The following TNFAIP8 variants were observed in gnomAD, a reference collection of about 807,000 sequenced individuals.
TNFAIP8 encodes the protein TNF alpha induced protein 8, also known as tumor necrosis factor alpha-induced protein 8.
TNFAIP8 carries 7 observed loss-of-function variants against 13.3 expected under a neutral mutation model. That is an observed-to-expected ratio of 0.52 (90% CI 0.30 to 0.99). The LOEUF (loss-of-function observed/expected upper bound fraction) is 0.99. Among genes scored for constraint, TNFAIP8 ranks in the 50% least tolerant of loss-of-function variants. The probability of loss-of-function intolerance (pLI) is 0.07; values close to 1 mark genes in which losing one functional copy is unlikely to be tolerated. For missense variants in TNFAIP8, 258 were observed against 236.9 expected (o/e 1.09, Z -0.58); for synonymous variants, 94 against 87.6 (o/e 1.07, Z -0.41).
At chr5:119,350,090 T>C (rs138026859) in intron 1 of TNFAIP8, among the ~76,000 whole-genome samples, 2,728 of 152,310 alleles carry the variant, frequency 0.018, 31 homozygotes, top group Non-Finnish European at 0.03. Context: ...TTTGGGAGTC[T>C]AAATAAAACC....
intron 1 of TNFAIP8, among the ~76,000 whole-genome samples, chr5:119,357,344 A>T (rs567479585): frequency 1.3e-5 from 2 of 152,224 alleles, no homozygotes; most frequent in Admixed American, 6.5e-5. Context: ...CTGTGTTCTG[A>T]TGGAGCTGTG....
chr5:119,316,055 A>G (rs905387877), intron 1 of TNFAIP8: 8 of 152,106 alleles, frequency 5.3e-5, no homozygotes, highest in African/African-American at 1.7e-4. Flanking sequence ...TTTAGTTGCA[A>G]TGTTAAAGCT....
At chr5:119,348,700 G>C (rs1750999677) in intron 1 of TNFAIP8, among the ~76,000 whole-genome samples, 1 of 152,016 alleles carries the variant, frequency 6.6e-6, no homozygotes, top group Non-Finnish European at 1.5e-5. Flanking sequence ...GGCCAACATG[G>C]TGAAACCTTG....
chr5:119,279,694 G>A (rs1044149786), intron 1 of TNFAIP8, among the ~76,000 whole-genome samples: 6 of 152,048 alleles, frequency 3.9e-5, no homozygotes, highest in East Asian at 1.9e-4. Context: ...CAGTTCTCTC[G>A]CCTCAACCTT....
In TNFAIP8 at chr5:119,382,503, C is replaced by G. The variant is rs561776916; in HGVS notation, c.32-10313C>G. Among the ~76,000 whole-genome samples the G allele has an allele frequency of 1.1e-3, 169 of 152,280 alleles. 1 individual carries two copies. The highest frequency in any genetic ancestry group is 4.0e-3 in the African/African-American group (168 of 41,548). ...CCACACTCCTTTCACAAGACCTGAT[C>G]ATAAGACCTGTGGCATCCTATACCA... is the stretch of plus-strand genomic sequence containing the variant. On this transcript the variant is annotated intron_variant, in intron 1 of 1. Coordinates refer to ENST00000504771, the MANE Select transcript of TNFAIP8 (RefSeq NM_014350.4).
chr5:119,310,518 A>C (rs1749696099), intron 1 of TNFAIP8, among the ~76,000 whole-genome samples: 1 of 152,302 alleles, frequency 6.6e-6, no homozygotes, highest in African/African-American at 2.4e-5. Context: ...GTCTGGGCCA[A>C]AGCCTAGTCC....
In TNFAIP8 at chr5:119,333,116, T is replaced by TC. The variant is rs1562004609; in HGVS notation, c.2-59699dup. 1.8e-5 allele frequency: 16 copies of TC among 869,152 alleles called. No homozygotes were observed. The African/African-American group carries it at 2.4e-4, about 13-fold the overall frequency. 53.8% of individuals were successfully genotyped at this position (869,152 alleles called of 1,614,324 possible). ...CCCTTTTTTTTAGTTTTTTTTTTTT[T>TC]CTAAGTATCTGTTTCTATTTTCTAG... On this transcript the variant is annotated intron_variant, in intron 1 of 1. Coordinates refer to the TNFAIP8 transcript ENST00000274456.
chr5:119,297,329 G>A (rs1213183418), intron 1 of TNFAIP8, among the ~76,000 whole-genome samples: 1 of 152,136 alleles, frequency 6.6e-6, no homozygotes, highest in African/African-American at 2.4e-5. Flanking sequence ...TGGTTTCAAA[G>A]AACATCTTTA....
chr5:119,330,803 G>A (rs969175118), intron 1 of TNFAIP8, among the ~76,000 whole-genome samples: 29 of 152,180 alleles, frequency 1.9e-4, no homozygotes, highest in South Asian at 6.2e-4. Flanking sequence ...TAAGGTGGCC[G>A]CAGACTTCCC....
At chr5:119,358,194 C>T (rs79315689) in intron 1 of TNFAIP8, among the ~76,000 whole-genome samples, 1 of 151,370 alleles carries the variant, frequency 6.6e-6, no homozygotes, top group East Asian at 1.9e-4. Flanking sequence ...AAGAAAACTG[C>T]CTTTGGATGC....
intron 1 of TNFAIP8, among the ~76,000 whole-genome samples, chr5:119,289,217 A>G (rs1479129259): frequency 6.6e-6 from 1 of 152,234 alleles, no homozygotes; most frequent in Non-Finnish European, 1.5e-5. Context: ...GCAAAGGGAT[A>G]CTTATCAGAC....
chr5:119,382,364 G>C (rs1562031689), intron 1 of TNFAIP8, among the ~76,000 whole-genome samples: 1 of 152,188 alleles, frequency 6.6e-6, no homozygotes, highest in Admixed American at 6.5e-5. Context: ...CTTGAGTGGA[G>C]AAGAGGGATA....
intron 1 of TNFAIP8, among the ~76,000 whole-genome samples, chr5:119,321,025 T>C (rs1194942520): frequency 6.6e-6 from 1 of 152,094 alleles, no homozygotes; most frequent in Admixed American, 6.5e-5. Context: ...GGCCATCCTG[T>C]TTAACACGGT....
intron 1 of TNFAIP8, among the ~76,000 whole-genome samples, chr5:119,307,422 A>C (rs1319662276): frequency 1.3e-5 from 2 of 152,186 alleles, no homozygotes; most frequent in Non-Finnish European, 2.9e-5. Context: ...TTTTTTGTAC[A>C]ACTTAAAAAA....
At chr5:119,357,803 AAAT>A (rs1482111916) in intron 1 of TNFAIP8, among the ~76,000 whole-genome samples, 2 of 152,094 alleles carry the variant, frequency 1.3e-5, no homozygotes, top group Non-Finnish European at 2.9e-5. Context: ...GTTTCTTTTA[AAAT>A]AATCTGAGGT....
chr5:119,311,726 T>C (rs1749737800), intron 1 of TNFAIP8, among the ~76,000 whole-genome samples: 1 of 133,772 alleles, frequency 7.5e-6, no homozygotes, highest in Non-Finnish European at 1.6e-5. Flanking sequence ...AATGAACTCA[T>C]ATCAATGGAA....
intron 1 of TNFAIP8, among the ~76,000 whole-genome samples, chr5:119,289,857 T>G (rs1454299691): frequency 6.6e-6 from 1 of 152,222 alleles, no homozygotes; most frequent in Non-Finnish European, 1.5e-5. Flanking sequence ...GGATCAGAAT[T>G]CAGGCTGCCA....
At chr5:119,320,027 G>T (rs1436261017) in intron 1 of TNFAIP8, among the ~76,000 whole-genome samples, 1 of 152,194 alleles carries the variant, frequency 6.6e-6, no homozygotes, top group Non-Finnish European at 1.5e-5. Context: ...CCATGGGTTG[G>T]TGGTGGGGTG....
chr5:119,352,801 T>TA (rs1751219422), upstream of TNFAIP8, among the ~76,000 whole-genome samples: 1 of 152,228 alleles, frequency 6.6e-6, no homozygotes, highest in African/African-American at 2.4e-5. Context: ...TTGGTGTTAA[T>TA]AAACCTTCCT....
Sources: gnomAD v4.1 joint callset for allele counts (sites outside exome capture counted in the v4.1 genomes callset) on GRCh38, gnomAD v4.1.1 for gene constraint, MANE v1.5 for transcripts, NCBI Gene and HGNC (gene_info 2026-07-23, HGNC 2026-07-21) for gene names.